Variants in GDF11 observed in about 807,000 individuals in gnomAD.
GDF11 encodes growth differentiation factor 11, also known as growth/differentiation factor 11.
GDF11 carries 12 observed loss-of-function variants against 34.4 expected under a neutral mutation model. The observed-to-expected ratio is 0.35, with a 90% CI of 0.22 to 0.57. The LOEUF is 0.57. GDF11 is among the 20% of genes least tolerant of loss of function. The pLI is 0.86. For missense variants in GDF11, 346 were observed against 548.2 expected (o/e 0.63, Z 3.68); for synonymous variants, 212 against 231.1 (o/e 0.92, Z 0.75).
chr12:55,756,047 G>C lies in GDF11; in HGVS notation c.*6165G>C, dbSNP rs2136172707. The C allele has an allele frequency of 6.6e-6, 1 of 152,300 alleles. No individual in the cohort carries two copies. Among genetic ancestry groups the C allele is most frequent in the South Asian group, 2.1e-4 (1 of 4,820 alleles). 9.4% of individuals were successfully genotyped at this position (152,300 alleles called of 1,614,324 possible). ...AACCATATTCAGGAAGAAACCATTA[G>C]TGAATCTATAATCTCTCAAGTTACA... On this transcript the variant is annotated 3_prime_UTR_variant, in exon 3 of 3. Transcript: ENST00000257868.
At position 55,754,144 on chromosome 12, in the gene GDF11, G is replaced by A. The variant is rs1878428734; in HGVS notation, c.*4262G>A. The A allele has an allele frequency of 6.6e-6, 1 of 152,140 alleles. No individual in the cohort carries two copies. Among genetic ancestry groups the A allele is most frequent in the Non-Finnish European group, 1.5e-5 (1 of 68,022 alleles). The allele number at this position is 152,140 out of a possible 1,614,324, so 9.4% of individuals were successfully genotyped here. On this transcript the variant is annotated 3_prime_UTR_variant, in exon 3 of 3. Coordinates refer to ENST00000257868, the MANE Select transcript of GDF11 (RefSeq NM_005811.5). ...TAAGGCTGGAAGTGGTTGAGTAGCAGAAGTGTTATGTATTCTATCTTCCCA... is the reference window on the plus strand; with the variant it reads ...TAAGGCTGGAAGTGGTTGAGTAGCAAAAGTGTTATGTATTCTATCTTCCCA...
In GDF11 at chr12:55,754,710, T is replaced by G. The variant is rs766778417; in HGVS notation, c.*4828T>G. The G allele has an allele frequency of 6.6e-6, 1 of 152,214 alleles. No homozygotes were observed. Among genetic ancestry groups the G allele is most frequent in the Non-Finnish European group, 1.5e-5 (1 of 68,028 alleles). 9.4% of individuals were successfully genotyped at this position (152,214 alleles called of 1,614,324 possible). A position where few individuals can be genotyped will look rare whatever the true frequency, so the allele number is the denominator to read the frequency against. ...TTTATTGAATAATTACTATGCAAAT[T>G]ATGGTAAGCAAATTGTAGTGTGAAT... On this transcript the variant is annotated 3_prime_UTR_variant, in exon 3 of 3. Transcript: ENST00000257868.
In GDF11 at chr12:55,749,963, C is replaced by A; in HGVS notation, c.*81C>A. 1 of 1,166,848 alleles carries A rather than the reference C, an allele frequency of 8.6e-7. No homozygotes were observed. The highest frequency in any genetic ancestry group is 1.2e-6 in the Non-Finnish European group (1 of 817,822). 72.3% of individuals were successfully genotyped at this position (1,166,848 alleles called of 1,614,324 possible). The stretch of plus-strand genomic sequence containing the variant: ...GCCCCCATCCCCCCAAGCCCTAGAG[C>A]TCCCTCCACTCTTCCCGCGAACATC... On this transcript the variant is annotated 3_prime_UTR_variant, in exon 3 of 3. Coordinates refer to ENST00000257868, the MANE Select transcript of GDF11 (RefSeq NM_005811.5). The surrounding 1 kb of genome is among the most constrained non-coding windows in gnomAD (Gnocchi z 5.6).
Position 55,753,891 on chromosome 12 carries a change from G to A in GDF11, c.*4009G>A, listed in dbSNP as rs1878420233. 1 of 151,952 alleles carries A rather than the reference G, an allele frequency of 6.6e-6. No individual in the cohort carries two copies. Among genetic ancestry groups the A allele is most frequent in the African/African-American group, 2.4e-5 (1 of 41,332 alleles). The allele number at this position is 151,952 out of a possible 1,614,324, so 9.4% of individuals were successfully genotyped here. On this transcript the variant is annotated 3_prime_UTR_variant, in exon 3 of 3. Transcript: ENST00000257868. ...GAGGCCAGAGGGTCAAGGCTGCAGT[G>A]TGCTATAATTGGGCCTGTAAATAGC...
rs781124704 is a variant in GDF11 at position 55,749,571 on chromosome 12, G to A, written c.913G>A (p.Asp305Asn). Residue 305 changes from aspartate (D) to asparagine (N), a missense_variant, in exon 3 of 3, where the codon GAC becomes AAC. Around this residue, in one of 3 missense-constraint regions of GDF11, gnomAD observed 205 missense variants for 311.3 expected, o/e 0.66. Coordinates refer to ENST00000257868, the MANE Select transcript of GDF11 (RefSeq NM_005811.5). The surrounding 1 kb of genome is among the most constrained non-coding windows in gnomAD (Gnocchi z 5.6). Reference protein sequence around the residue: ...RSRRNLGLDCDEHSSESRCCR... With the variant: ...RSRRNLGLDCNEHSSESRCCR... ...CCGGCGGAACCTGGGTCTGGACTGC[G>A]ACGAGCACTCAAGCGAGTCCCGCTG... 8.7e-6 allele frequency: 14 copies of A among 1,613,954 alleles called. No individual in the cohort carries two copies. The highest frequency in any genetic ancestry group is 6.6e-5 in the South Asian group (6 of 91,068).
At position 55,749,088 on chromosome 12, in the gene GDF11, CATTACTT is replaced by C. The variant is rs1394866584; in HGVS notation, c.843+106_843+112del. The stretch of plus-strand genomic sequence containing the variant: ...GAATGTGAAGGAGGTTGGGGACCAG[CATTACTT>C]CTCTGGGGTCAGCAGCTGATTCTAG... On this transcript the variant is annotated intron_variant, in intron 2 of 2. Transcript: ENST00000257868. The surrounding 1 kb of genome is among the most constrained non-coding windows in gnomAD (Gnocchi z 5.6). The C allele has an allele frequency of 9.4e-6, 11 of 1,172,360 alleles. No homozygotes were observed. In the Admixed American group the frequency reaches 2.7e-4, roughly 28 times the overall value. The allele number at this position is 1,172,360 out of a possible 1,614,324, so 72.6% of individuals were successfully genotyped here.
rs188416740 is a variant in GDF11 at position 55,753,496 on chromosome 12, G to C, written c.*3614G>C. 1 of 152,116 alleles carries C rather than the reference G, an allele frequency of 6.6e-6. No individual in the cohort carries two copies. The highest frequency in any genetic ancestry group is 2.4e-5 in the African/African-American group (1 of 41,406). 9.4% of individuals were successfully genotyped at this position (152,116 alleles called of 1,614,324 possible). On this transcript the variant is annotated 3_prime_UTR_variant, in exon 3 of 3. Transcript: ENST00000257868. The stretch of plus-strand genomic sequence containing the variant: ...CAAAAATAAGGAAAGCTGGCTGGGC[G>C]CAGTGGCTTACATCTGTAATCCCAG...
chr12:55,749,796 A>G lies in GDF11; in HGVS notation c.1138A>G (p.Ile380Val), dbSNP rs1225397425. The change falls in exon 3 of 3, where the codon ATC becomes GTC. Residue 380 changes from isoleucine (I) to valine (V), a missense_variant. By Grantham distance (29) the Ile-to-Val change is conservative. Coordinates refer to ENST00000257868, the MANE Select transcript of GDF11 (RefSeq NM_005811.5). The surrounding 1 kb of genome is among the most constrained non-coding windows in gnomAD (Gnocchi z 5.6). ...TTGTACCCCCACCAAGATGTCCCCA[A>G]TCAACATGCTCTACTTCAATGACAA... ...PCCTPTKMSPINMLYFNDKQQ... is the reference protein window; with the variant it reads ...PCCTPTKMSPVNMLYFNDKQQ... 10 of 1,613,900 alleles carry G rather than the reference A, an allele frequency of 6.2e-6. No individual in the cohort carries two copies. The highest frequency in any genetic ancestry group is 1.7e-5 in the Admixed American group (1 of 59,986).
chr12:55,748,778 G>A lies in GDF11; in HGVS notation c.638G>A (p.Gly213Asp), dbSNP rs1289229568. The stretch of plus-strand genomic sequence containing the variant: ...GGGGAAGGGACCGCAGGGGGAGGGG[G>A]CGGAGGCCGGCGTCACATCCGTATC... The part of the protein sequence containing the change: ...LTGEGTAGGG[G>D]GGRRHIRIRS... The change falls in exon 2 of 3, where the codon GGC becomes GAC. Residue 213 changes from glycine to aspartate, a missense_variant. Gly to Asp is a moderately conservative substitution (Grantham distance 94). Around this residue, in one of 3 missense-constraint regions of GDF11, gnomAD observed 205 missense variants for 311.3 expected, o/e 0.66. Transcript: ENST00000257868. The surrounding 1 kb of genome is among the most constrained non-coding windows in gnomAD (Gnocchi z 5.6). The A allele has an allele frequency of 6.2e-7, 1 of 1,614,202 alleles. No individual in the cohort carries two copies. The highest frequency in any genetic ancestry group is 1.1e-5 in the South Asian group (1 of 91,084).
chr12:55,750,315 G>C lies in GDF11; in HGVS notation c.*433G>C, dbSNP rs572428650. ...CCTTTCTTCCACTGGCAAGGTGAGG[G>C]GCTTGGTATAGTTTGGGGAGATCCC... is the stretch of plus-strand genomic sequence containing the variant. On this transcript the variant is annotated 3_prime_UTR_variant, in exon 3 of 3. Coordinates refer to ENST00000257868, the MANE Select transcript of GDF11 (RefSeq NM_005811.5). 19 of 165,544 alleles carry C rather than the reference G, an allele frequency of 1.1e-4. No individual in the cohort carries two copies. The South Asian group carries it at 3.5e-3, about 30-fold the overall frequency. The allele number at this position is 165,544 out of a possible 1,614,324, so 10.3% of individuals were successfully genotyped here.
chr12:55,743,301 T>A lies in GDF11; in HGVS notation c.-16T>A, dbSNP rs1878093925. The A allele has an allele frequency of 4.2e-5, 27 of 642,732 alleles. No individual in the cohort carries two copies. The highest frequency in any genetic ancestry group is 4.8e-5 in the Non-Finnish European group (25 of 526,106). 39.8% of individuals were successfully genotyped at this position (642,732 alleles called of 1,614,324 possible). A position where few individuals can be genotyped will look rare whatever the true frequency, so the allele number is the denominator to read the frequency against. On this transcript the variant is annotated 5_prime_UTR_variant, in exon 1 of 3. Coordinates refer to ENST00000257868, the MANE Select transcript of GDF11 (RefSeq NM_005811.5). Reference sequence around the variant, plus strand: ...GGCGTCCCCGCCCCCCAGTCCTCCCTCCCCTCCCCTCCAGCATGGTGCTCG... The same window carrying A: ...GGCGTCCCCGCCCCCCAGTCCTCCCACCCCTCCCCTCCAGCATGGTGCTCG...
In GDF11 at chr12:55,749,735, G is replaced by T. The variant is rs1442333923; in HGVS notation, c.1077G>T (p.Val359=). The change falls in exon 3 of 3, where the codon GTG becomes GTT. Residue 359 remains valine, a synonymous_variant. Transcript: ENST00000257868. The surrounding 1 kb of genome is among the most constrained non-coding windows in gnomAD (Gnocchi z 5.6). ...FMQKYPHTHL[V]QQANPRGSAG... ...AAAAATATCCGCATACCCATTTGGT[G>T]CAGCAGGCCAATCCAAGAGGCTCTG... The T allele has an allele frequency of 6.2e-7, 1 of 1,614,122 alleles. No homozygotes were observed. Among genetic ancestry groups the T allele is most frequent in the Non-Finnish European group, 8.5e-7 (1 of 1,180,020 alleles).
rs1878312177 is a variant in GDF11, at chr12:55,751,245, G to C, written c.*1363G>C. 1 of 152,296 alleles carries C rather than the reference G, an allele frequency of 6.6e-6. No homozygotes were observed. The highest frequency in any genetic ancestry group is 2.4e-5 in the African/African-American group (1 of 41,450). The allele number at this position is 152,296 out of a possible 1,614,324, so 9.4% of individuals were successfully genotyped here. ...ATCTAACAGTACCTGGCAGCAGGGA[G>C]GGGAAAGTACAGTGGGGAAAAGCAT... On this transcript the variant is annotated 3_prime_UTR_variant, in exon 3 of 3. Coordinates refer to ENST00000257868, the MANE Select transcript of GDF11 (RefSeq NM_005811.5).
At position 55,753,570 on chromosome 12, in the gene GDF11, G is replaced by A. The variant is rs1878402901; in HGVS notation, c.*3688G>A. ...GGATCATGCAAGGTCCGGAGTTCGA[G>A]ACCATGCTGGCCAACATTGTGAAAC... is the stretch of plus-strand genomic sequence containing the variant. On this transcript the variant is annotated 3_prime_UTR_variant, in exon 3 of 3. Coordinates refer to ENST00000257868, the MANE Select transcript of GDF11 (RefSeq NM_005811.5). The A allele has an allele frequency of 6.6e-6, 1 of 152,020 alleles. No individual in the cohort carries two copies. Among genetic ancestry groups the A allele is most frequent in the African/African-American group, 2.4e-5 (1 of 41,366 alleles). 9.4% of individuals were successfully genotyped at this position (152,020 alleles called of 1,614,324 possible).
chr12:55,749,925 G>A lies in GDF11; in HGVS notation c.*43G>A, dbSNP rs776091385. ...GCCTCCCCCACAGACCCTACCCCAA[G>A]ACCCCTAGCCCTGCCCCCATCCCCC... is the stretch of plus-strand genomic sequence containing the variant. On this transcript the variant is annotated 3_prime_UTR_variant, in exon 3 of 3. Transcript: ENST00000257868. This position sits in a 1 kb window ranked among gnomAD's most constrained non-coding sequence, Gnocchi z 5.6. The A allele has an allele frequency of 5.8e-6, 9 of 1,545,106 alleles. No individual in the cohort carries two copies. Among genetic ancestry groups the A allele is most frequent in the Non-Finnish European group, 2.6e-6 (3 of 1,133,840 alleles).
At chr12:55,746,058 CCT>C (rs1010600551) in intron 1 of GDF11, among the ~76,000 whole-genome samples, 1 of 152,052 alleles carries the variant, frequency 6.6e-6, no homozygotes, top group East Asian at 1.9e-4. Flanking sequence ...AGTGCAGTGA[CCT>C]CTCTCTCCCA....
rs1878456052 is a variant in GDF11 at position 55,754,887 on chromosome 12, T to C, written c.*5005T>C. On this transcript the variant is annotated 3_prime_UTR_variant, in exon 3 of 3. Transcript: ENST00000257868. Reference sequence around the variant, plus strand: ...AAACCTAAGTAGTTGCTAAACAATATTACATTCTAATCTATCCTATTGAAA... The same window carrying C: ...AAACCTAAGTAGTTGCTAAACAATACTACATTCTAATCTATCCTATTGAAA... 1 of 152,182 alleles carries C rather than the reference T, an allele frequency of 6.6e-6. No individual in the cohort carries two copies. Among genetic ancestry groups the C allele is most frequent in the African/African-American group, 2.4e-5 (1 of 41,446 alleles). The allele number at this position is 152,182 out of a possible 1,614,324, so 9.4% of individuals were successfully genotyped here.
At position 55,749,100 on chromosome 12, in the gene GDF11, G is replaced by A; in HGVS notation, c.843+117G>A. 9.6e-7 allele frequency: 1 copy of A among 1,044,570 alleles called. No homozygotes were observed. The highest frequency in any genetic ancestry group is 1.4e-6 in the Non-Finnish European group (1 of 740,112). The allele number at this position is 1,044,570 out of a possible 1,614,324, so 64.7% of individuals were successfully genotyped here. ...GGTTGGGGACCAGCATTACTTCTCT[G>A]GGGTCAGCAGCTGATTCTAGAGGAG... On this transcript the variant is annotated intron_variant, in intron 2 of 2. Coordinates refer to ENST00000257868, the MANE Select transcript of GDF11 (RefSeq NM_005811.5). The surrounding 1 kb of genome is among the most constrained non-coding windows in gnomAD (Gnocchi z 5.6).
rs1878224446 is a variant in GDF11, at chr12:55,748,209, G to T, written c.446-377G>T. The stretch of plus-strand genomic sequence containing the variant: ...GGGAAAGGTGATGGAAGGGCAGCAG[G>T]TGTGATAAGAGGTATGGCTTCTATA... On this transcript the variant is annotated intron_variant, in intron 1 of 2. Transcript: ENST00000257868. The surrounding 1 kb of genome is among the most constrained non-coding windows in gnomAD (Gnocchi z 5.6). 1.3e-5 allele frequency among the ~76,000 whole-genome samples: 2 copies of T among 152,244 alleles called. No individual in the cohort carries two copies. Among genetic ancestry groups the T allele is most frequent in the African/African-American group, 4.8e-5 (2 of 41,458 alleles).
Sources: gnomAD v4.1 joint callset for allele counts (sites outside exome capture counted in the v4.1 genomes callset) on GRCh38, gnomAD v4.1.1 for gene constraint, gnomAD v4.1.1 regional missense constraint, Gnocchi (gnomAD v3.1) non-coding constraint, MANE v1.5 for transcripts, NCBI Gene and HGNC (gene_info 2026-07-23, HGNC 2026-07-21) for gene names.